Variants in TUFT1 observed in about 807,000 individuals in gnomAD.
TUFT1 encodes tuftelin 1.
TUFT1 carries 43 observed loss-of-function variants against 57.8 expected under a neutral mutation model. The observed-to-expected ratio is 0.74, with a 90% confidence interval of 0.58 to 0.96. TUFT1 has a LOEUF of 0.96. Among genes scored for constraint, TUFT1 ranks in the 40% least tolerant of loss-of-function variants. The pLI, the probability that TUFT1 is intolerant of heterozygous loss-of-function variation, is 0.00. For synonymous variants in TUFT1, 166 were observed against 176.7 expected, an observed-to-expected ratio of 0.94 and a Z score of 0.48; for missense variants, 459 against 489.0, an observed-to-expected ratio of 0.94 and a Z score of 0.58.
At position 151,581,781 on chromosome 1, in the gene TUFT1, A is replaced by T. The variant is rs1666653352; in HGVS notation, c.*74A>T. ...AGCCCACTGCCCCTGTTGGCTGTTA[A>T]CACTGCCTTTGACTTCCTGACTGTC... On this transcript the variant is annotated 3_prime_UTR_variant, in exon 13 of 13. Transcript: ENST00000368849. 1 of 1,508,804 alleles carries T rather than the reference A, an allele frequency of 6.6e-7. No individual in the cohort carries two copies. The highest frequency in any genetic ancestry group is 1.4e-5 in the African/African-American group (1 of 72,886). 93.5% of individuals were successfully genotyped at this position (1,508,804 alleles called of 1,614,324 possible).
intron 1 of TUFT1, among the ~76,000 whole-genome samples, chr1:151,547,782 T>A (rs1380926291): frequency 1.3e-5 from 2 of 152,142 alleles, no homozygotes; most frequent in Non-Finnish European, 2.9e-5. Context: ...CAAGTGGGTG[T>A]CTCCTTCAGA....
At chr1:151,581,515 C>T in intron 12 of TUFT1, 129 bp from the exon 13 acceptor site, 1 of 851,394 alleles carries the variant, frequency 1.2e-6, no homozygotes, top group Non-Finnish European at 1.9e-6. Flanking sequence ...CACTTGGAAC[C>T]CAAGTGATCA....
chr1:151,576,448 A>G (rs943106423), intron 9 of TUFT1, among the ~76,000 whole-genome samples: 1 of 152,174 alleles, frequency 6.6e-6, no homozygotes, highest in African/African-American at 2.4e-5. Flanking sequence ...GCAGAACCAC[A>G]GATTAAGGGC....
intron 9 of TUFT1, among the ~76,000 whole-genome samples, chr1:151,578,028 GA>G (rs1168900117): frequency 5.2e-4 from 72 of 137,252 alleles, no homozygotes; most frequent in Non-Finnish European, 4.9e-4. Context: ...CCTGTCTCCG[GA>G]AAAAAAAAAA....
chr1:151,566,939 C>G (rs1380977363), intron 6 of TUFT1, among the ~76,000 whole-genome samples: 1 of 152,110 alleles, frequency 6.6e-6, no homozygotes, highest in East Asian at 1.9e-4. Context: ...GATTGACTGA[C>G]TGACAGAGTC....
Position 151,574,923 on chromosome 1 carries a change from T to C in TUFT1, c.736T>C (p.Leu246=). The C allele has an allele frequency of 6.4e-7, 1 of 1,572,772 alleles. No individual in the cohort carries two copies. The highest frequency in any genetic ancestry group is 8.6e-7 in the Non-Finnish European group (1 of 1,158,554). Residue 246 remains leucine, a synonymous_variant, in exon 9 of 13, where the codon TTA becomes CTA. Coordinates refer to ENST00000368849, the MANE Select transcript of TUFT1 (RefSeq NM_020127.3). ...LLGMETEHQA[L]LAKVREGEVA... ...GTGGCCCACCCAGGAGCATCAGGCCTTACTGGCGAAAGTGAGGGAAGGGGA... is the reference window on the plus strand; with the variant it reads ...GTGGCCCACCCAGGAGCATCAGGCCCTACTGGCGAAAGTGAGGGAAGGGGA...
chr1:151,566,331 T>TA (rs1666079175), intron 6 of TUFT1, 103 bp downstream of exon 6: 1 of 863,124 alleles, frequency 1.2e-6, no homozygotes, highest in Admixed American at 2.4e-5. Context: ...TCTCTCTCAT[T>TA]AAATACAAGA....
At chr1:151,556,260 G>T (rs922572484) in intron 1 of TUFT1, among the ~76,000 whole-genome samples, 2 of 152,060 alleles carry the variant, frequency 1.3e-5, no homozygotes, top group African/African-American at 4.8e-5. Context: ...AAGGCATCTG[G>T]GTTGTTTCTA....
chr1:151,540,534 C>T (rs1665127959), intron 1 of TUFT1, 108 bp downstream of exon 1: 5 of 1,315,096 alleles, frequency 3.8e-6, no homozygotes, highest in Non-Finnish European at 5.4e-6. Flanking sequence ...GTGCCCGGCT[C>T]GCGCGGTCAG....
chr1:151,581,095 G>C, intron 12 of TUFT1, 53 bp downstream of exon 12: 339 of 1,461,400 alleles, frequency 2.3e-4, no homozygotes, highest in Middle Eastern at 3.6e-4. Flanking sequence ...GAGAAGGAGG[G>C]ACAGAGCTCT....
chr1:151,540,545 C>G, intron 1 of TUFT1, 119 bp downstream of exon 1: 1 of 1,116,034 alleles, frequency 9.0e-7, no homozygotes. Context: ...GCGCGGTCAG[C>G]CCTGCGCGGC....
intron 10 of TUFT1, among the ~76,000 whole-genome samples, chr1:151,579,176 C>T (rs984163307): frequency 1.3e-5 from 2 of 152,192 alleles, no homozygotes; most frequent in East Asian, 1.9e-4. Flanking sequence ...TCCTGCCTTA[C>T]CCCACCTGAG....
intron 5 of TUFT1, 68 bp from the exon 6 acceptor site, chr1:151,566,095 G>T: frequency 1.0e-6 from 1 of 996,152 alleles, no homozygotes; most frequent in Non-Finnish European, 1.4e-6. Context: ...TGAGTGTTAG[G>T]AGAATAATGT....
rs1192899930 is a variant in TUFT1 at position 151,581,046 on chromosome 1, A to T, written c.1109+4A>T. On this transcript the variant is annotated splice_donor_region_variant and intron_variant, in intron 12 of 12. Coordinates refer to ENST00000368849, the MANE Select transcript of TUFT1 (RefSeq NM_020127.3). Reference sequence around the variant, plus strand: ...CCAAGACAGAGAACCCGGGCAGGTGAGTGAGCGTGTGTAGATAGAATGGGG... The same window carrying T: ...CCAAGACAGAGAACCCGGGCAGGTGTGTGAGCGTGTGTAGATAGAATGGGG... 6.2e-7 allele frequency: 1 copy of T among 1,613,710 alleles called. No individual in the cohort carries two copies. Among genetic ancestry groups the T allele is most frequent in the Non-Finnish European group, 8.5e-7 (1 of 1,179,786 alleles).
Position 151,564,623 on chromosome 1 carries a change from A to T in TUFT1, c.414+9A>T, listed in dbSNP as rs1666005580. 1 of 1,612,246 alleles carries T rather than the reference A, an allele frequency of 6.2e-7. No homozygotes were observed. Among genetic ancestry groups the T allele is most frequent in the African/African-American group, 1.3e-5 (1 of 74,876 alleles). Reference sequence around the variant, plus strand: ...ATCGACAGGAGATACAGGTAATAGGAAATGGTCCATGGTTGGGTCCCCACC... The same window carrying T: ...ATCGACAGGAGATACAGGTAATAGGTAATGGTCCATGGTTGGGTCCCCACC... On this transcript the variant is annotated intron_variant, in intron 5 of 12. Transcript: ENST00000368849.
intron 1 of TUFT1, among the ~76,000 whole-genome samples, chr1:151,555,551 G>A (rs143637594): frequency 2.6e-5 from 4 of 151,092 alleles, no homozygotes; most frequent in African/African-American, 4.9e-5. Context: ...GGCCGAGGCA[G>A]GCAGATCACG....
intron 6 of TUFT1, among the ~76,000 whole-genome samples, chr1:151,568,210 C>T (rs181870051): frequency 6.6e-6 from 1 of 152,224 alleles, no homozygotes; most frequent in East Asian, 1.9e-4. Context: ...AGGCCTCTCA[C>T]TGGTTTCAGT....
intron 5 of TUFT1, among the ~76,000 whole-genome samples, chr1:151,565,638 C>T (rs577641694): frequency 6.6e-5 from 10 of 152,216 alleles, no homozygotes; most frequent in East Asian, 1.9e-4. Flanking sequence ...TTGCACAAAC[C>T]GGCTGTCATA....
chr1:151,563,944 A>G lies in TUFT1; in HGVS notation c.278A>G (p.Glu93Gly), dbSNP rs761718558. 8 of 1,614,078 alleles carry G rather than the reference A, an allele frequency of 5.0e-6. No individual in the cohort carries two copies. The African/African-American group carries it at 1.1e-4, about 22-fold the overall frequency. ...KGRSGDKMIH[E>G]KNINQLKSEV... ...AGGTCTGGAGACAAGATGATTCACG[A>G]GAAGAATATTAACCAGCTGAAGAGT... Residue 93 changes from glutamate (E) to glycine (G), a missense_variant, in exon 4 of 13, where the codon GAG becomes GGG. Physicochemically the swap from Glu to Gly is moderately conservative, Grantham distance 98. Coordinates refer to ENST00000368849, the MANE Select transcript of TUFT1 (RefSeq NM_020127.3).
Sources: gnomAD v4.1 joint callset for allele counts (sites outside exome capture counted in the v4.1 genomes callset) on GRCh38, gnomAD v4.1.1 for gene constraint, MANE v1.5 for transcripts, NCBI Gene and HGNC (gene_info 2026-07-23, HGNC 2026-07-21) for gene names.